The following CADM1 variants were observed in gnomAD, a reference collection of about 807,000 sequenced individuals.
CADM1 encodes TSLC-1.
A neutral mutation model predicts 53.1 loss-of-function variants in CADM1; 15 were observed. The ratio of observed to expected loss-of-function variants is 0.28; its 90% CI spans 0.19 to 0.44. The LOEUF is 0.44. CADM1 is among the 20% of genes least tolerant of loss of function. The pLI, the probability that CADM1 is intolerant of heterozygous loss-of-function variation, is 1.00. For synonymous variants in CADM1, 281 were observed against 243.0 expected, an observed-to-expected ratio of 1.16 and a Z score of -1.45; for missense variants, 434 against 611.3, an observed-to-expected ratio of 0.71 and a Z score of 3.06.
rs558903396 is a variant in CADM1, at chr11:115,402,504, T to C, written c.124+101767A>G. 3.9e-5 allele frequency among the ~76,000 whole-genome samples: 6 copies of C among 152,122 alleles called. No individual in the cohort carries two copies. The East Asian group carries it at 5.8e-4, about 15-fold the overall frequency. On this transcript the variant is annotated intron_variant, in intron 1 of 11. Transcript: ENST00000331581. ...TGCCACTGCCCTCCAGCCTGGGCGA[T>C]AGAGTGAGACTCTGTCTCAAAAACA...
chr11:115,361,668 C>G (rs981748049), intron 1 of CADM1, among the ~76,000 whole-genome samples: 2 of 152,010 alleles, frequency 1.3e-5, no homozygotes, highest in Non-Finnish European at 2.9e-5. Context: ...ATATGCACAC[C>G]CACAATACAC....
chr11:115,500,112 T>C (rs536490858), intron 1 of CADM1, among the ~76,000 whole-genome samples: 1 of 152,290 alleles, frequency 6.6e-6, no homozygotes, highest in South Asian at 2.1e-4. Flanking sequence ...TGCTGGATTT[T>C]CAGTTAAAAA....
At chr11:115,211,557 G>A (rs779301692) in intron 7 of CADM1, among the ~76,000 whole-genome samples, 1 of 133,190 alleles carries the variant, frequency 7.5e-6, no homozygotes, top group Non-Finnish European at 1.5e-5. Context: ...TCAGCTCACT[G>A]CAATCTCCGC....
intron 8 of CADM1, among the ~76,000 whole-genome samples, chr11:115,208,367 C>CATATA (rs1940796254): frequency 6.6e-6 from 1 of 152,148 alleles, no homozygotes; most frequent in Non-Finnish European, 1.5e-5. Flanking sequence ...ACTGATGAGG[C>CATATA]CTCCTCTTTC....
intron 1 of CADM1, among the ~76,000 whole-genome samples, chr11:115,289,293 G>A (rs1034253340): frequency 2.6e-5 from 4 of 151,982 alleles, no homozygotes; most frequent in African/African-American, 9.7e-5. Flanking sequence ...TGAACCCGCA[G>A]GGTGGAGGTT....
rs869156485 is a variant in CADM1, at chr11:115,340,626, TTATATA to T, written c.125-100212_125-100207del. Among the ~76,000 whole-genome samples, 442 of 48,192 alleles carry T rather than the reference TTATATA, an allele frequency of 9.2e-3. 17 individuals carry two copies. The highest frequency in any genetic ancestry group is 0.038 in the Middle Eastern group (1 of 26). 31.6% of individuals were successfully genotyped at this position (48,192 alleles called of 152,430 possible). On this transcript the variant is annotated intron_variant, in intron 1 of 11. Transcript: ENST00000331581. Reference sequence around the variant, plus strand: ...GTGGAGTCACACAACATAATAAATATTATATATATATATATATATATATATATATAT... The same window carrying T: ...GTGGAGTCACACAACATAATAAATATTATATATATATATATATATATATAT...
chr11:115,311,499 C>T (rs1944531441), intron 1 of CADM1, among the ~76,000 whole-genome samples: 1 of 151,608 alleles, frequency 6.6e-6, no homozygotes, highest in South Asian at 2.1e-4. Flanking sequence ...CTAGTGTAGA[C>T]CGTGGGTTTC....
At chr11:115,196,686 G>A (rs763819505) in intron 9 of CADM1, among the ~76,000 whole-genome samples, 4 of 150,328 alleles carry the variant, frequency 2.7e-5, no homozygotes, top group South Asian at 2.1e-4. Context: ...ATTCAAAGCC[G>A]TCCTGGGCCG....
intron 1 of CADM1, among the ~76,000 whole-genome samples, chr11:115,287,673 A>G (rs1254801304): frequency 6.6e-6 from 1 of 152,222 alleles, no homozygotes; most frequent in Non-Finnish European, 1.5e-5. Flanking sequence ...TGAGTTACGA[A>G]TTGCCACAAA....
intron 1 of CADM1, chr11:115,363,557 T>C (rs1289214345): frequency 2.0e-5 from 3 of 152,188 alleles, no homozygotes; most frequent in Non-Finnish European, 4.4e-5. Flanking sequence ...ATAGAAAGAA[T>C]AAGATGAATG....
chr11:115,210,401 G>A (rs575258368), intron 7 of CADM1, among the ~76,000 whole-genome samples: 26 of 152,138 alleles, frequency 1.7e-4, no homozygotes, highest in Non-Finnish European at 2.6e-4. Flanking sequence ...AAATATAAAT[G>A]AGACTCGACC....
At chr11:115,460,880 T>C (rs866158142) in intron 1 of CADM1, among the ~76,000 whole-genome samples, 1 of 152,314 alleles carries the variant, frequency 6.6e-6, no homozygotes, top group Middle Eastern at 3.4e-3. Flanking sequence ...GCCACAGCCT[T>C]GTTCCTTTCA....
intron 1 of CADM1, among the ~76,000 whole-genome samples, chr11:115,351,243 G>C (rs553644552): frequency 6.6e-6 from 1 of 152,250 alleles, no homozygotes; most frequent in East Asian, 1.9e-4. Flanking sequence ...TCTGGTCTCT[G>C]GTATTTGGCT....
intron 1 of CADM1, among the ~76,000 whole-genome samples, chr11:115,424,115 G>C (rs963061120): frequency 1.3e-5 from 2 of 152,196 alleles, no homozygotes; most frequent in Non-Finnish European, 2.9e-5. Flanking sequence ...ATCGAGGTGG[G>C]GAAACGACAT....
chr11:115,351,393 A>C (rs1357644368), intron 1 of CADM1, among the ~76,000 whole-genome samples: 1 of 152,216 alleles, frequency 6.6e-6, no homozygotes, highest in Non-Finnish European at 1.5e-5. Context: ...TAGGCAGTTG[A>C]TAGCATGAGG....
intron 1 of CADM1, among the ~76,000 whole-genome samples, chr11:115,372,978 A>G (rs1486603350): frequency 1.3e-5 from 2 of 152,242 alleles, no homozygotes; most frequent in Admixed American, 1.3e-4. Flanking sequence ...TTTCTGCCTA[A>G]GAGGAAAGAA....
chr11:115,485,630 C>T (rs756677714), intron 1 of CADM1, among the ~76,000 whole-genome samples: 4 of 152,156 alleles, frequency 2.6e-5, no homozygotes, highest in Non-Finnish European at 5.9e-5. Flanking sequence ...ACTTGGCTCT[C>T]ATTCTGTCTC....
At chr11:115,453,387 CA>C (rs11286640) in intron 1 of CADM1, among the ~76,000 whole-genome samples, 42,293 of 138,412 alleles carry the variant, frequency 0.31, 6,695 homozygotes, top group Non-Finnish European at 0.4. Flanking sequence ...CAAAAAAAAC[CA>C]AAAAAAAAAA....
Position 115,178,477 on chromosome 11 carries a change from G to A in CADM1, c.1297+167C>T, listed in dbSNP as rs567478145. On this transcript the variant is annotated intron_variant, in intron 11 of 11. Transcript: ENST00000331581. ...CTAATCAGCGGCTGCTAAGATTTCT[G>A]GTTTTGTTTTTTTTTTTTTTTTTCT... Among the ~76,000 whole-genome samples, 50 of 150,648 alleles carry A rather than the reference G, an allele frequency of 3.3e-4. No homozygotes were observed. The East Asian group carries it at 8.8e-3, about 26-fold the overall frequency.
Sources: allele counts gnomAD v4.1 joint callset (sites outside exome capture counted in the v4.1 genomes callset), GRCh38; gene constraint gnomAD v4.1.1; transcripts MANE v1.5; gene names NCBI Gene and HGNC (gene_info 2026-07-23, HGNC 2026-07-21).